AQP10: variants seen among roughly 807,000 people sequenced by gnomAD.
AQP10 encodes the protein aquaporin 10, also known as aquaporin-10.
Under a neutral mutation model 21.0 loss-of-function variants are expected in AQP10, and 15 were observed. The ratio of observed to expected loss-of-function variants is 0.71; its 90% CI spans 0.48 to 1.10. The LOEUF is 1.10. AQP10 is among the 50% of genes least tolerant of loss of function. The pLI is 0.00. For missense variants in AQP10, 268 were observed against 379.5 expected, an observed-to-expected ratio of 0.71 and a Z score of 2.44; for synonymous variants, 143 against 155.7, an observed-to-expected ratio of 0.92 and a Z score of 0.61.
chr1:154,323,379 C>G lies in AQP10; in HGVS notation c.489+20C>G, dbSNP rs1685689740. On this transcript the variant is annotated intron_variant, in intron 4 of 5. Coordinates refer to ENST00000324978, the MANE Select transcript of AQP10 (RefSeq NM_080429.3). This position sits in a 1 kb window ranked among gnomAD's most constrained non-coding sequence, Gnocchi z 4.5. Reference sequence around the variant, plus strand: ...GATCAGGTAAGTGTGAGGGGGAGACCTGGGGACACTACTTTGGTCCTGTTC... The same window carrying G: ...GATCAGGTAAGTGTGAGGGGGAGACGTGGGGACACTACTTTGGTCCTGTTC... 3 of 1,604,028 alleles carry G rather than the reference C, an allele frequency of 1.9e-6. No homozygotes were observed. Among genetic ancestry groups the G allele is most frequent in the Non-Finnish European group, 2.6e-6 (3 of 1,171,596 alleles).
At chr1:154,322,414 C>T (rs1021727275) in intron 2 of AQP10, among the ~76,000 whole-genome samples, 1 of 151,988 alleles carries the variant, frequency 6.6e-6, no homozygotes, top group Non-Finnish European at 1.5e-5. Flanking sequence ...TTGGGTGGAG[C>T]CTTGAGACAT....
intron 2 of AQP10, 117 bp downstream of exon 2, chr1:154,322,176 A>G: frequency 6.8e-7 from 1 of 1,473,944 alleles, no homozygotes; most frequent in Non-Finnish European, 9.1e-7. Context: ...CCCCTTGAAC[A>G]GTGTCCCAGA....
rs41304552 is a variant in AQP10, at chr1:154,324,336, C to G, written c.762C>G (p.Thr254=). ...TGGTGGCCCCTCTGGTGGGGGCCACCGTTGGCACAGCCACTTACCAGCTGT... is the reference window on the plus strand; with the variant it reads ...TGGTGGCCCCTCTGGTGGGGGCCACGGTTGGCACAGCCACTTACCAGCTGT... The part of the protein sequence containing the change: ...VPVVAPLVGA[T]VGTATYQLLV... Residue 254 remains threonine (T), a synonymous_variant, in exon 6 of 6, where the codon ACC becomes ACG. Coordinates refer to ENST00000324978, the MANE Select transcript of AQP10 (RefSeq NM_080429.3). 1 of 1,600,568 alleles carries G rather than the reference C, an allele frequency of 6.2e-7. No individual in the cohort carries two copies. The highest frequency in any genetic ancestry group is 1.8e-5 in the Admixed American group (1 of 56,710).
intron 5 of AQP10, chr1:154,324,050 C>A: frequency 7.3e-7 from 1 of 1,361,214 alleles, no homozygotes; most frequent in Non-Finnish European, 9.7e-7. Flanking sequence ...TTAGTGACTT[C>A]ATCAGCAAAA....
At chr1:154,322,546 C>T (rs759411627) in intron 2 of AQP10, among the ~76,000 whole-genome samples, 17 of 142,426 alleles carry the variant, frequency 1.2e-4, no homozygotes, top group Non-Finnish European at 2.1e-4. Flanking sequence ...GTTGCCCAGG[C>T]TGGAGAGCAG....
chr1:154,322,291 G>A (rs917645789), intron 2 of AQP10, among the ~76,000 whole-genome samples: 1 of 152,070 alleles, frequency 6.6e-6, no homozygotes, highest in Admixed American at 6.5e-5. Context: ...CAATGGCAGG[G>A]CACGAAGGGC....
chr1:154,321,786 C>A (rs1006163511), intron 1 of AQP10, 147 bp from the exon 2 acceptor site: 3 of 1,033,408 alleles, frequency 2.9e-6, no homozygotes, highest in Non-Finnish European at 4.2e-6. Context: ...TTCCCCATTT[C>A]TTTTCCCTTC....
In AQP10 at chr1:154,323,601, G is replaced by A; in HGVS notation, c.502G>A (p.Gly168Arg). 6.2e-7 allele frequency: 1 copy of A among 1,613,740 alleles called. No homozygotes were observed. The highest frequency in any genetic ancestry group is 1.3e-5 in the African/African-American group (1 of 75,046). The change falls in exon 5 of 6, where the codon GGG becomes AGG. Residue 168 changes from glycine to arginine, a missense_variant. By Grantham distance (125) the Gly-to-Arg change is moderately radical (BLOSUM62 -2). Transcript: ENST00000324978. This position sits in a 1 kb window ranked among gnomAD's most constrained non-coding sequence, Gnocchi z 4.5. Reference sequence around the variant, plus strand: ...TGTTGACTCCAAGGTTCTGGGCACTGGGATGCTGATTGTGGGGCTCTTGGC... The same window carrying A: ...TGTTGACTCCAAGGTTCTGGGCACTAGGATGCTGATTGTGGGGCTCTTGGC... ...NGFLDQVLGT[G>R]MLIVGLLAIL...
At chr1:154,324,110 C>T in intron 5 of AQP10, 172 bp from the exon 6 acceptor site, 2 of 1,139,892 alleles carry the variant, frequency 1.8e-6, no homozygotes, top group Non-Finnish European at 2.4e-6. Flanking sequence ...CCAAGCTCTC[C>T]TGGGGTTCCC....
chr1:154,322,878 C>T, intron 2 of AQP10, 104 bp from the exon 3 acceptor site: 7 of 1,413,682 alleles, frequency 5.0e-6, no homozygotes, highest in Non-Finnish European at 6.8e-6. Flanking sequence ...GAGAATTACA[C>T]TATCTGCCTT....
chr1:154,323,518 A>C lies in AQP10; in HGVS notation c.490-71A>C. 6.4e-7 allele frequency: 1 copy of C among 1,555,204 alleles called. No individual in the cohort carries two copies. Among genetic ancestry groups the C allele is most frequent in the Non-Finnish European group, 8.8e-7 (1 of 1,138,848 alleles). On this transcript the variant is annotated intron_variant, in intron 4 of 5. Coordinates refer to ENST00000324978, the MANE Select transcript of AQP10 (RefSeq NM_080429.3). This position sits in a 1 kb window ranked among gnomAD's most constrained non-coding sequence, Gnocchi z 4.5. ...TGCACAAAGCCAGATGACATGGAAT[A>C]TTTGGATGAGAGAGGGCAGATGGAG...
intron 2 of AQP10, 29 bp from the exon 3 acceptor site, chr1:154,322,953 T>C (rs368453955): frequency 1.9e-5 from 30 of 1,613,906 alleles, no homozygotes; most frequent in Admixed American, 5.0e-5. Flanking sequence ...ACTTAATAGA[T>C]GCTCTTTTTC....
At chr1:154,322,587 C>T (rs1558263995) in intron 2 of AQP10, among the ~76,000 whole-genome samples, 2 of 149,924 alleles carry the variant, frequency 1.3e-5, no homozygotes, top group East Asian at 2.0e-4. Flanking sequence ...GCAACCTCTG[C>T]CCCTGGGTTC....
At chr1:154,322,522 T>A (rs866198248) in intron 2 of AQP10, among the ~76,000 whole-genome samples, 31 of 143,070 alleles carry the variant, frequency 2.2e-4, no homozygotes, top group Admixed American at 1.1e-3. Flanking sequence ...TTTTTTGAGA[T>A]GGAGTTTCAC....
rs1325502986 is a variant in AQP10, at chr1:154,323,352, T to C, written c.482T>C (p.Leu161Pro). 1 of 1,613,572 alleles carries C rather than the reference T, an allele frequency of 6.2e-7. No homozygotes were observed. The highest frequency in any genetic ancestry group is 1.1e-5 in the South Asian group (1 of 91,062). The change falls in exon 4 of 6, where the codon CTG becomes CCG. Residue 161 changes from leucine (L) to proline (P), a missense_variant. This residue lies in a region of AQP10 where 229 missense variants were observed against 295.1 expected (regional missense o/e 0.78). Transcript: ENST00000324978. This position sits in a 1 kb window ranked among gnomAD's most constrained non-coding sequence, Gnocchi z 4.5. ...APYLSLNNGF[L>P]DQVLGTGMLI... ...TATCTGTCCCTGAACAATGGCTTCC[T>C]GGATCAGGTAAGTGTGAGGGGGAGA... is the stretch of plus-strand genomic sequence containing the variant.
chr1:154,323,860 G>A lies in AQP10; in HGVS notation c.707+54G>A, dbSNP rs1685702297. ...CTCCACTCACCTTCCTCTGCTAAGG[G>A]CTCTGTCCCTGGGTCCACAGCACTC... is the stretch of plus-strand genomic sequence containing the variant. On this transcript the variant is annotated intron_variant, in intron 5 of 5. Transcript: ENST00000324978. The surrounding 1 kb of genome is among the most constrained non-coding windows in gnomAD (Gnocchi z 4.5). The A allele has an allele frequency of 6.3e-7, 1 of 1,593,472 alleles. No homozygotes were observed. Among genetic ancestry groups the A allele is most frequent in the Non-Finnish European group, 8.6e-7 (1 of 1,169,534 alleles).
chr1:154,321,175 C>G lies in AQP10; in HGVS notation c.20C>G (p.Pro7Arg). The change falls in exon 1 of 6, where the codon CCG becomes CGG. Residue 7 changes from proline to arginine, a missense_variant. This residue lies in a region of AQP10 where 33 missense variants were observed against 47.1 expected (regional missense o/e 0.70). Coordinates refer to ENST00000324978, the MANE Select transcript of AQP10 (RefSeq NM_080429.3). MVFTQA[P>R]AEIMGHLRIR... Reference sequence around the variant, plus strand: ...TCCACCATGGTCTTCACTCAGGCCCCGGCTGAAATCATGGGCCACCTCCGG... The same window carrying G: ...TCCACCATGGTCTTCACTCAGGCCCGGGCTGAAATCATGGGCCACCTCCGG... 1 of 1,613,668 alleles carries G rather than the reference C, an allele frequency of 6.2e-7. No individual in the cohort carries two copies. The highest frequency in any genetic ancestry group is 1.1e-5 in the South Asian group (1 of 91,012).
rs1428198181 is a variant in AQP10 at position 154,324,695 on chromosome 1, T to A, written c.*215T>A. ...AGGACTCAGGCTTCTCATCCCCTCC[T>A]CCCGCAAAGCGGTTTTCTGACCCTC... is the stretch of plus-strand genomic sequence containing the variant. On this transcript the variant is annotated 3_prime_UTR_variant, in exon 6 of 6. Transcript: ENST00000324978. 4.1e-6 allele frequency: 2 copies of A among 488,878 alleles called. No homozygotes were observed. Among genetic ancestry groups the A allele is most frequent in the Admixed American group, 7.9e-5 (2 of 25,180 alleles). The allele number at this position is 488,878 out of a possible 1,614,324, so 30.3% of individuals were successfully genotyped here. A position where few individuals can be genotyped will look rare whatever the true frequency, so the allele number is the denominator to read the frequency against.
intron 5 of AQP10, 51 bp from the exon 6 acceptor site, chr1:154,324,231 G>T (rs754932632): frequency 2.7e-6 from 4 of 1,481,088 alleles, no homozygotes; most frequent in Non-Finnish European, 3.6e-6. Flanking sequence ...TTGGAGAGGG[G>T]AAGGCTAAGG....
Sources: gnomAD v4.1 joint callset for allele counts (sites outside exome capture counted in the v4.1 genomes callset) on GRCh38, gnomAD v4.1.1 for gene constraint, gnomAD v4.1.1 regional missense constraint, Gnocchi (gnomAD v3.1) non-coding constraint, MANE v1.5 for transcripts, NCBI Gene and HGNC (gene_info 2026-07-23, HGNC 2026-07-21) for gene names.